The following CNTNAP2 variants were observed in gnomAD, a reference collection of about 807,000 sequenced individuals.
The protein encoded by CNTNAP2 is contactin-associated protein-like 2.
CNTNAP2 carries 98 observed loss-of-function variants against 155.2 expected under a neutral mutation model. The observed-to-expected ratio is 0.63, with a 90% CI of 0.54 to 0.75. CNTNAP2 has a LOEUF of 0.75. Ranked by LOEUF, CNTNAP2 falls within the 30% of genes least tolerant of loss-of-function variation. The pLI, the probability that CNTNAP2 is intolerant of heterozygous loss-of-function variation, is 0.00. For missense variants in CNTNAP2, 1,727 were observed against 1,688.1 expected, an observed-to-expected ratio of 1.02 and a Z score of -0.40; for synonymous variants, 651 against 631.2, an observed-to-expected ratio of 1.03 and a Z score of -0.47.
chr7:147,933,583 G>A (rs993435596), intron 14 of CNTNAP2, among the ~76,000 whole-genome samples: 2 of 152,132 alleles, frequency 1.3e-5, no homozygotes, highest in Non-Finnish European at 1.5e-5. Flanking sequence ...AGGAAGTCCT[G>A]GCTGGGCGTG....
At chr7:146,784,654 C>T (rs928481660) in intron 2 of CNTNAP2, among the ~76,000 whole-genome samples, 5 of 152,206 alleles carry the variant, frequency 3.3e-5, no homozygotes, top group Admixed American at 3.3e-4. Context: ...CAAAATTCCT[C>T]ACTCACTTCT....
intron 1 of CNTNAP2, among the ~76,000 whole-genome samples, chr7:146,659,313 A>G (rs1309965402): frequency 1.3e-5 from 2 of 152,214 alleles, no homozygotes; most frequent in East Asian, 1.9e-4. Flanking sequence ...GTTAATATCT[A>G]TAAGTACTTT....
chr7:146,119,352 CTT>C (rs895489814), intron 1 of CNTNAP2, among the ~76,000 whole-genome samples: 8 of 152,030 alleles, frequency 5.3e-5, no homozygotes, highest in African/African-American at 1.7e-4. Flanking sequence ...TTGCTTATGA[CTT>C]ATTTCTTTTT....
At chr7:147,790,705 T>C (rs758427583) in intron 13 of CNTNAP2, among the ~76,000 whole-genome samples, 39 of 152,270 alleles carry the variant, frequency 2.6e-4, no homozygotes, top group Non-Finnish European at 5.1e-4. Flanking sequence ...ATCCATCTCA[T>C]GGTTGACTGT....
chr7:148,037,927 A>G (rs1010861254), intron 15 of CNTNAP2, among the ~76,000 whole-genome samples: 4 of 152,198 alleles, frequency 2.6e-5, no homozygotes, highest in African/African-American at 7.2e-5. Flanking sequence ...CCCCATTGTA[A>G]GTGGAGGAGT....
intron 1 of CNTNAP2, among the ~76,000 whole-genome samples, chr7:146,592,497 C>A (rs2129149742): frequency 6.6e-6 from 1 of 152,286 alleles, no homozygotes; most frequent in South Asian, 2.1e-4. Context: ...ACAGTCTCTG[C>A]ACTGTAGTTA....
chr7:147,738,681 GTCTTGC>G (rs1563071994), intron 13 of CNTNAP2, among the ~76,000 whole-genome samples: 1 of 139,534 alleles, frequency 7.2e-6, no homozygotes, highest in Non-Finnish European at 1.5e-5. Context: ...TTTAGGTGGA[GTCTTGC>G]TCTGTTGCCC....
chr7:148,332,032 G>A (rs1585281721), intron 21 of CNTNAP2, among the ~76,000 whole-genome samples: 1 of 152,102 alleles, frequency 6.6e-6, no homozygotes, highest in South Asian at 2.1e-4. Flanking sequence ...GCATTGGATG[G>A]TGGTTCATGA....
chr7:148,024,225 C>T (rs1802337529), intron 15 of CNTNAP2, among the ~76,000 whole-genome samples: 2 of 143,552 alleles, frequency 1.4e-5, no homozygotes, highest in Non-Finnish European at 3.0e-5. Flanking sequence ...TGGCTAGATA[C>T]AGAATGAAAA....
chr7:146,920,822 A>T (rs1339668114), intron 3 of CNTNAP2, among the ~76,000 whole-genome samples: 3 of 152,212 alleles, frequency 2.0e-5, no homozygotes, highest in Non-Finnish European at 2.9e-5. Flanking sequence ...GCCTGAAAAT[A>T]GTTTCCTTTT....
intron 9 of CNTNAP2, among the ~76,000 whole-genome samples, chr7:147,353,737 G>C (rs1004015092): frequency 6.6e-6 from 1 of 152,064 alleles, no homozygotes; most frequent in Non-Finnish European, 1.5e-5. Context: ...CTTCCACAAT[G>C]GTTGAACTAA....
intron 8 of CNTNAP2, among the ~76,000 whole-genome samples, chr7:147,284,435 G>T (rs1218624635): frequency 6.6e-6 from 1 of 151,674 alleles, no homozygotes; most frequent in Non-Finnish European, 1.5e-5. Context: ...AGCATGTAAT[G>T]AATATCACAT....
chr7:146,928,926 C>A (rs1280383430), intron 3 of CNTNAP2, among the ~76,000 whole-genome samples: 9 of 152,208 alleles, frequency 5.9e-5, no homozygotes, highest in Admixed American at 5.9e-4. Context: ...GTAAACAAAG[C>A]AGCCAGGAAG....
In CNTNAP2 at chr7:147,263,852, C is replaced by A. The variant is rs927854128; in HGVS notation, c.1349-36289C>A. On this transcript the variant is annotated intron_variant, in intron 8 of 23. Coordinates refer to ENST00000361727, the MANE Select transcript of CNTNAP2 (RefSeq NM_014141.6). ...AATAATTAAAAATCAGTTCACTCTT[C>A]CGGGAATCATTTTGAATGAATTGAA... Among the ~76,000 whole-genome samples the A allele has an allele frequency of 3.3e-5, 5 of 152,242 alleles. 1 individual carries two copies. The Middle Eastern group carries it at 0.017, about 518-fold the overall frequency.
intron 15 of CNTNAP2, among the ~76,000 whole-genome samples, chr7:148,040,004 C>A (rs1462328678): frequency 6.6e-6 from 1 of 152,098 alleles, no homozygotes; most frequent in Non-Finnish European, 1.5e-5. Flanking sequence ...CAAAACTATC[C>A]CTTCTCTCTC....
chr7:147,871,575 C>T (rs1457972717), intron 13 of CNTNAP2, among the ~76,000 whole-genome samples: 5 of 152,230 alleles, frequency 3.3e-5, no homozygotes, highest in African/African-American at 9.6e-5. Flanking sequence ...ACAGCCATTA[C>T]AACCGGCTTG....
intron 1 of CNTNAP2, among the ~76,000 whole-genome samples, chr7:146,204,510 A>G (rs141124724): frequency 5.9e-5 from 9 of 152,262 alleles, no homozygotes; most frequent in African/African-American, 2.2e-4. Flanking sequence ...TAGTTTACAA[A>G]CAGAAACAAC....
intron 3 of CNTNAP2, among the ~76,000 whole-genome samples, chr7:146,981,192 C>T (rs1191369640): frequency 6.6e-6 from 1 of 152,090 alleles, no homozygotes; most frequent in East Asian, 1.9e-4. Flanking sequence ...ATTGATTGAT[C>T]TCCTAAAAAT....
chr7:147,331,413 A>G (rs1221191006), intron 9 of CNTNAP2, among the ~76,000 whole-genome samples: 1 of 152,144 alleles, frequency 6.6e-6, no homozygotes, highest in African/African-American at 2.4e-5. Context: ...TCCTTATGTA[A>G]ACACCTTGTA....
Sources: gnomAD v4.1 joint callset for allele counts (sites outside exome capture counted in the v4.1 genomes callset) on GRCh38, gnomAD v4.1.1 for gene constraint, MANE v1.5 for transcripts, NCBI Gene and HGNC (gene_info 2026-07-23, HGNC 2026-07-21) for gene names.